ECPAS: variants seen among roughly 807,000 people sequenced by gnomAD.
ECPAS encodes Ecm29 proteasome adaptor and scaffold, also known as proteasome adapter and scaffold protein ECM29.
In ECPAS, 70 loss-of-function variants were observed where a neutral mutation model predicts 255.1. That is an observed-to-expected ratio of 0.27 (90% CI 0.23 to 0.33). The LOEUF is 0.33. Ranked by LOEUF, ECPAS falls within the 10% of genes least tolerant of loss-of-function variation. The probability of loss-of-function intolerance (pLI) is 1.00; values close to 1 mark genes in which losing one functional copy is unlikely to be tolerated. For synonymous variants in ECPAS, 784 were observed against 775.0 expected, an observed-to-expected ratio of 1.01 and a Z score of -0.19; for missense variants, 1,817 against 2,206.4, an observed-to-expected ratio of 0.82 and a Z score of 3.54.
At chr9:111,413,314 G>A (rs2098197787) in intron 20 of ECPAS, among the ~76,000 whole-genome samples, 1 of 152,106 alleles carries the variant, frequency 6.6e-6, no homozygotes, top group South Asian at 2.1e-4. Flanking sequence ...AAAAACTGAG[G>A]CTGTTAAAGA....
At chr9:111,388,639 T>C (rs2098154343) in intron 31 of ECPAS, among the ~76,000 whole-genome samples, 1 of 151,884 alleles carries the variant, frequency 6.6e-6, no homozygotes. Flanking sequence ...TGCTACTATG[T>C]AGATAATTAA....
chr9:111,444,596 G>T, intron 3 of ECPAS, 102 bp from the exon 4 acceptor site: 1 of 743,206 alleles, frequency 1.3e-6, no homozygotes, highest in Admixed American at 2.6e-5. Context: ...GTGAATAGTA[G>T]CTACTTTGTT....
In ECPAS at chr9:111,369,142, G is replaced by A. The variant is rs755442832; in HGVS notation, c.5006C>T (p.Thr1669Ile). The change falls in exon 46 of 50, where the codon ACC becomes ATC. Residue 1669 changes from threonine (T) to isoleucine (I), a missense_variant. Thr to Ile is a moderately conservative substitution (Grantham distance 89). This residue lies in a region of ECPAS where 960 missense variants were observed against 1,179.0 expected (regional missense o/e 0.81). Transcript: ENST00000684092. ...NSLESSGVRTTKNEEENEKEK... is the reference protein window; with the variant it reads ...NSLESSGVRTIKNEEENEKEK... ...CTTTTCATTCTCCTCTTCATTTTTG[G>A]TTGTCCGGACCCCACTGCTTTCAAG... is the stretch of plus-strand genomic sequence containing the variant. 1.2e-6 allele frequency: 2 copies of A among 1,604,606 alleles called. No individual in the cohort carries two copies. Among genetic ancestry groups the A allele is most frequent in the South Asian group, 2.2e-5 (2 of 89,438 alleles).
At chr9:111,451,874 T>G (rs970897035) in intron 2 of ECPAS, among the ~76,000 whole-genome samples, 1 of 152,322 alleles carries the variant, frequency 6.6e-6, no homozygotes, top group South Asian at 2.1e-4. Context: ...AACTAGTTAG[T>G]AGAGCAAGGC....
At chr9:111,417,754 AAAAAG>A (rs1054836308) in intron 17 of ECPAS, 124 bp downstream of exon 17, 8 of 1,004,684 alleles carry the variant, frequency 8.0e-6, no homozygotes, top group Admixed American at 3.3e-5. Context: ...CTCAAAAAAA[AAAAAG>A]AAAAGAAAAG....
rs2098239337 is a variant in ECPAS, at chr9:111,437,106, T to C, written c.542A>G (p.Tyr181Cys). ...GCGACTCTGGGATTCATTTAACACG[T>C]AACTGGAAAGGAAATAACACTTTAA... Reference protein sequence around the residue: ...MLDVLLMPYGYVLNESQSRQN... With the variant: ...MLDVLLMPYGCVLNESQSRQN... The change falls in exon 7 of 50, where the codon TAC becomes TGC. Residue 181 changes from tyrosine to cysteine, a missense_variant and splice_region_variant. Tyr to Cys is a radical substitution (Grantham distance 194). Around this residue, in one of 4 missense-constraint regions of ECPAS, gnomAD observed 573 missense variants for 716.2 expected, o/e 0.80. Transcript: ENST00000684092. The C allele has an allele frequency of 6.3e-7, 1 of 1,597,626 alleles. No individual in the cohort carries two copies. The highest frequency in any genetic ancestry group is 1.4e-5 in the African/African-American group (1 of 73,782).
chr9:111,384,447 A>G (rs550337588), intron 34 of ECPAS, 75 bp downstream of exon 34: 2 of 1,315,820 alleles, frequency 1.5e-6, no homozygotes, highest in African/African-American at 2.9e-5. Context: ...TTTTCCTATG[A>G]CAGTAAGTAA....
chr9:111,417,795 C>T, intron 17 of ECPAS, 88 bp downstream of exon 17: 2 of 1,223,016 alleles, frequency 1.6e-6, no homozygotes, highest in Non-Finnish European at 2.2e-6. Flanking sequence ...GAGTCAACAT[C>T]TAGTGATTAC....
chr9:111,394,511 G>A (rs2098164873), intron 25 of ECPAS, among the ~76,000 whole-genome samples: 1 of 152,248 alleles, frequency 6.6e-6, no homozygotes, highest in Middle Eastern at 3.4e-3. Flanking sequence ...AGGTACTCGA[G>A]TAACTTTTTA....
rs1171748372 is a variant in ECPAS at position 111,410,194 on chromosome 9, T to A, written c.2397A>T (p.Thr799=). ...TETIGSFLDS[T]SPLLAIAACT... ...AGGCAGCAATTGCCAGGAGGGGTGA[T>A]GTACTGTCCAAAAATGAGCCTGTAA... Residue 799 remains threonine, a synonymous_variant, in exon 23 of 50, where the codon ACA becomes ACT. Transcript: ENST00000684092. The A allele has an allele frequency of 6.2e-7, 1 of 1,611,964 alleles. No homozygotes were observed. The highest frequency in any genetic ancestry group is 2.2e-5 in the East Asian group (1 of 44,810).
At chr9:111,427,663 C>T (rs931473322) in intron 10 of ECPAS, among the ~76,000 whole-genome samples, 2 of 152,106 alleles carry the variant, frequency 1.3e-5, no homozygotes, top group African/African-American at 4.8e-5. Flanking sequence ...ACACCTTATG[C>T]ACATAGCCTG....
At chr9:111,399,525 G>A (rs1245131640) in intron 24 of ECPAS, among the ~76,000 whole-genome samples, 1 of 152,212 alleles carries the variant, frequency 6.6e-6, no homozygotes, top group Admixed American at 6.5e-5. Context: ...AGTGCCCAAG[G>A]AGGGAGCACT....
At chr9:111,440,324 C>G (rs749184163) in intron 6 of ECPAS, 48 bp downstream of exon 6, 3 of 1,512,768 alleles carry the variant, frequency 2.0e-6, no homozygotes, top group Non-Finnish European at 2.7e-6. Flanking sequence ...CTTAACTCCC[C>G]GTAGTAAAAG....
At chr9:111,374,139 T>C (rs1436710188) in intron 38 of ECPAS, 101 bp from the exon 39 acceptor site, 3 of 828,110 alleles carry the variant, frequency 3.6e-6, no homozygotes, top group Admixed American at 1.8e-5. Context: ...ATAAAATACA[T>C]GAAGCCTAAT....
At chr9:111,474,162 T>A (rs954695109) in intron 1 of ECPAS, among the ~76,000 whole-genome samples, 5 of 152,152 alleles carry the variant, frequency 3.3e-5, no homozygotes, top group African/African-American at 1.2e-4. Flanking sequence ...CTGAACAACA[T>A]GGGGGCTCAA....
Position 111,362,077 on chromosome 9 carries a change from G to A in ECPAS, c.5473C>T (p.Gln1825Ter). ...TMEPDSRPEL[Q>*]EKAALLKKTL... ...TTCTTCAGTAACGCTGCTTTCTCCT[G>A]CAGTTCAGGTCTGCTGTCTGGCTCC... The change falls in exon 50 of 50, where the codon CAG becomes TAG. Residue 1825 changes from glutamine (Q) to a stop codon, truncating the protein, a stop_gained. Transcript: ENST00000684092. LOFTEE classifies it high-confidence loss of function. 1 of 1,611,340 alleles carries A rather than the reference G, an allele frequency of 6.2e-7. No homozygotes were observed. Among genetic ancestry groups the A allele is most frequent in the Non-Finnish European group, 8.5e-7 (1 of 1,178,830 alleles).
chr9:111,398,091 G>C (rs1440219488), intron 24 of ECPAS, among the ~76,000 whole-genome samples: 2 of 152,178 alleles, frequency 1.3e-5, no homozygotes, highest in Non-Finnish European at 2.9e-5. Context: ...CAGCATGTGA[G>C]GGCTATAAAC....
chr9:111,442,166 AC>A, intron 5 of ECPAS, 139 bp downstream of exon 5: 3 of 547,804 alleles, frequency 5.5e-6, no homozygotes, highest in Non-Finnish European at 9.7e-6. Context: ...TTGAGGTACC[AC>A]GGAAAATTCT....
intron 1 of ECPAS, among the ~76,000 whole-genome samples, chr9:111,480,292 CTT>C (rs398011866): frequency 6.0e-3 from 382 of 63,612 alleles, no homozygotes; most frequent in Non-Finnish European, 8.7e-3. Flanking sequence ...AGCACCTTTT[CTT>C]TTTTTTTTTT....
Sources: allele counts gnomAD v4.1 joint callset (sites outside exome capture counted in the v4.1 genomes callset), GRCh38; gene constraint gnomAD v4.1.1; regional missense constraint gnomAD v4.1.1; transcripts MANE v1.5; gene names NCBI Gene and HGNC (gene_info 2026-07-23, HGNC 2026-07-21).